Variants in RNF214 observed in about 807,000 individuals in gnomAD.
RNF214 encodes ring finger protein 214.
In RNF214, 25 loss-of-function variants were observed where a neutral mutation model predicts 75.9. That is an observed-to-expected ratio of 0.33 (90% CI 0.24 to 0.46). The LOEUF is 0.46. Among genes scored for constraint, RNF214 ranks in the 20% least tolerant of loss-of-function variants. The pLI, the probability that RNF214 is intolerant of heterozygous loss-of-function variation, is 1.00. For synonymous variants in RNF214, 314 were observed against 308.8 expected, an observed-to-expected ratio of 1.02 and a Z score of -0.18; for missense variants, 725 against 857.5, an observed-to-expected ratio of 0.85 and a Z score of 1.93.
intron 6 of RNF214, among the ~76,000 whole-genome samples, chr11:117,249,652 G>A (rs914855711): frequency 1.3e-5 from 2 of 152,166 alleles, no homozygotes; most frequent in African/African-American, 4.8e-5. Context: ...TACAGTTCTT[G>A]GAGGCTGGAA....
rs759565206 is a variant in RNF214 at position 117,281,879 on chromosome 11, T to A, written c.1336-15T>A. On this transcript the variant is annotated splice_polypyrimidine_tract_variant and intron_variant, in intron 10 of 14. Coordinates refer to ENST00000300650, the MANE Select transcript of RNF214 (RefSeq NM_207343.4). ...CTTCCTTTCTCTCTCGTCCTCTACC[T>A]CTTCTCCTCTGCAGACAGACTTCAT... 6.2e-7 allele frequency: 1 copy of A among 1,610,292 alleles called. No individual in the cohort carries two copies. The highest frequency in any genetic ancestry group is 8.5e-7 in the Non-Finnish European group (1 of 1,177,548).
rs376842148 is a variant in RNF214 at position 117,280,191 on chromosome 11, G to A, written c.1077G>A (p.Arg359=). Residue 359 remains arginine (R), a synonymous_variant, in exon 8 of 15, where the codon CGG becomes CGA. Coordinates refer to ENST00000300650, the MANE Select transcript of RNF214 (RefSeq NM_207343.4). ...CTTAGATCTTATCACTAGAGAGCCG[G>A]AAAGAGTTACTGGTACTGAAACTAG... is the stretch of plus-strand genomic sequence containing the variant. The part of the protein sequence containing the change: ...WKAEILSLES[R]KELLVLKLEE... The A allele has an allele frequency of 2.5e-6, 4 of 1,613,652 alleles. No homozygotes were observed. The highest frequency in any genetic ancestry group is 3.4e-6 in the Non-Finnish European group (4 of 1,179,614).
At chr11:117,234,778 C>G (rs913656749) in intron 2 of RNF214, among the ~76,000 whole-genome samples, 2 of 152,114 alleles carry the variant, frequency 1.3e-5, no homozygotes, top group African/African-American at 4.8e-5. Context: ...CTCATAGTAG[C>G]TAATATGATA....
At chr11:117,233,280 G>A (rs549721684) in intron 1 of RNF214, among the ~76,000 whole-genome samples, 1 of 152,340 alleles carries the variant, frequency 6.6e-6, no homozygotes, top group Non-Finnish European at 1.5e-5. Flanking sequence ...GCACCTGAGG[G>A]AGCAGCAATG....
intron 6 of RNF214, among the ~76,000 whole-genome samples, chr11:117,259,782 ATTG>A (rs1056875893): frequency 1.5e-4 from 23 of 151,602 alleles, no homozygotes; most frequent in African/African-American, 5.6e-4. Context: ...TTGAGTTTTT[ATTG>A]TTGTGTAGTA....
chr11:117,234,410 C>G (rs1344829415), intron 2 of RNF214, 31 bp downstream of exon 2: 4 of 1,498,582 alleles, frequency 2.7e-6, no homozygotes, highest in East Asian at 2.3e-5. Flanking sequence ...TGGGAAGATT[C>G]ATTTGGGTAA....
chr11:117,241,841 T>C (rs1210047772), intron 4 of RNF214, among the ~76,000 whole-genome samples: 3 of 152,206 alleles, frequency 2.0e-5, no homozygotes, highest in Non-Finnish European at 4.4e-5. Flanking sequence ...TTCTATTTTA[T>C]CAATATTTGT....
At chr11:117,240,384 TA>T (rs372718608) in intron 4 of RNF214, among the ~76,000 whole-genome samples, 3,819 of 61,682 alleles carry the variant, frequency 0.062, 54 homozygotes, top group Middle Eastern at 0.11. Context: ...CAAAAAAAAT[TA>T]AAAAAAAAAA....
intron 6 of RNF214, among the ~76,000 whole-genome samples, chr11:117,273,982 A>G (rs1234538750): frequency 2.6e-5 from 4 of 152,186 alleles, no homozygotes; most frequent in Non-Finnish European, 4.4e-5. Flanking sequence ...AGAACACTTA[A>G]GGGGAACTTT....
At chr11:117,242,181 C>G (rs1436175314) in intron 4 of RNF214, among the ~76,000 whole-genome samples, 1 of 152,088 alleles carries the variant, frequency 6.6e-6, no homozygotes, top group Non-Finnish European at 1.5e-5. Flanking sequence ...ATATGGATAT[C>G]TAAATGTACA....
chr11:117,260,758 G>T (rs10892090), intron 6 of RNF214, among the ~76,000 whole-genome samples: 2 of 142,506 alleles, frequency 1.4e-5, no homozygotes, highest in African/African-American at 5.2e-5. Context: ...AGGTTCAAGC[G>T]GTTCTCCTTC....
intron 6 of RNF214, among the ~76,000 whole-genome samples, chr11:117,274,626 C>T (rs1041526700): frequency 6.6e-6 from 1 of 151,208 alleles, no homozygotes; most frequent in Non-Finnish European, 1.5e-5. Context: ...ACCTTGGCCT[C>T]CCAAAGTTCT....
chr11:117,280,925 A>C (rs200944955), intron 8 of RNF214, among the ~76,000 whole-genome samples: 1 of 150,614 alleles, frequency 6.6e-6, no homozygotes, highest in East Asian at 2.0e-4. Context: ...CCTCTTCTCA[A>C]CGGCAATTAG....
intron 6 of RNF214, among the ~76,000 whole-genome samples, chr11:117,258,352 C>T (rs1318204256): frequency 6.6e-6 from 1 of 152,104 alleles, no homozygotes; most frequent in Non-Finnish European, 1.5e-5. Context: ...CAGGCGTGAG[C>T]CACCACGCCC....
intron 2 of RNF214, among the ~76,000 whole-genome samples, chr11:117,236,402 T>C (rs1002683141): frequency 1.3e-5 from 2 of 152,044 alleles, no homozygotes; most frequent in Admixed American, 1.3e-4. Flanking sequence ...GCCTCCTGAG[T>C]AGCTGGGACA....
chr11:117,232,976 C>G (rs902480006), intron 1 of RNF214, among the ~76,000 whole-genome samples: 6 of 151,864 alleles, frequency 4.0e-5, no homozygotes, highest in Non-Finnish European at 7.4e-5. Context: ...GCCAGCCTAG[C>G]AGTCCCCTGT....
At chr11:117,276,431 G>A (rs1431746612) in intron 6 of RNF214, among the ~76,000 whole-genome samples, 1 of 152,004 alleles carries the variant, frequency 6.6e-6, no homozygotes, top group Non-Finnish European at 1.5e-5. Flanking sequence ...GCAATATAGT[G>A]GGACTCTTTC....
At chr11:117,268,457 G>C (rs954551926) in intron 6 of RNF214, among the ~76,000 whole-genome samples, 1 of 152,098 alleles carries the variant, frequency 6.6e-6, no homozygotes, top group African/African-American at 2.4e-5. Context: ...ATTGGGGTCG[G>C]GGGGAGTCTT....
At chr11:117,258,921 C>T (rs1242598) in intron 6 of RNF214, among the ~76,000 whole-genome samples, 18,016 of 152,132 alleles carry the variant, frequency 0.12, 1,044 homozygotes, top group Middle Eastern at 0.15. Flanking sequence ...TTTTAATATT[C>T]ATGTTGTCCG....
Sources: allele counts gnomAD v4.1 joint callset (sites outside exome capture counted in the v4.1 genomes callset), GRCh38; gene constraint gnomAD v4.1.1; transcripts MANE v1.5; gene names NCBI Gene and HGNC (gene_info 2026-07-23, HGNC 2026-07-21).